Variants in SLC23A2 observed in about 807,000 individuals in gnomAD.
SLC23A2 encodes the protein Na(+)/L-ascorbic acid transporter 2.
Under a neutral mutation model 73.3 loss-of-function variants are expected in SLC23A2, and 36 were observed. The observed-to-expected ratio is 0.49, with a 90% confidence interval of 0.38 to 0.65. The LOEUF (loss-of-function observed/expected upper bound fraction) is 0.65, where lower values mean the gene tolerates loss of function less well. Ranked by LOEUF, SLC23A2 falls within the 30% of genes least tolerant of loss-of-function variation. The pLI is 0.00. For synonymous variants in SLC23A2, 343 were observed against 327.3 expected (o/e 1.05, Z -0.52); for missense variants, 507 against 841.6 (o/e 0.60, Z 4.92).
intron 6 of SLC23A2, among the ~76,000 whole-genome samples, chr20:4,888,623 C>T (rs369115743): frequency 1.1e-4 from 17 of 152,212 alleles, no homozygotes; most frequent in African/African-American, 4.1e-4. Flanking sequence ...CCATGTCCAG[C>T]TTGGTGCCCA....
chr20:4,912,307 A>G (rs948696589), intron 4 of SLC23A2, among the ~76,000 whole-genome samples: 4 of 152,038 alleles, frequency 2.6e-5, no homozygotes, highest in African/African-American at 9.7e-5. Context: ...CTAAGGTGCC[A>G]AAGGTGCTAC....
intron 2 of SLC23A2, among the ~76,000 whole-genome samples, chr20:4,964,852 AAAG>A (rs2087449430): frequency 6.6e-6 from 1 of 150,566 alleles, no homozygotes; most frequent in Non-Finnish European, 1.5e-5. Flanking sequence ...AAAAAGAAGA[AAAG>A]AAAAAAAGGA....
intron 16 of SLC23A2, among the ~76,000 whole-genome samples, chr20:4,858,555 G>T (rs1271761820): frequency 6.6e-6 from 1 of 151,998 alleles, no homozygotes; most frequent in African/African-American, 2.4e-5. Flanking sequence ...GAGATGGGTT[G>T]TTTAAAGGGG....
intron 4 of SLC23A2, among the ~76,000 whole-genome samples, chr20:4,903,669 A>G (rs1261012846): frequency 6.6e-6 from 1 of 152,198 alleles, no homozygotes; most frequent in Non-Finnish European, 1.5e-5. Context: ...CAGAAGGTAA[A>G]TGTCTGATGG....
intron 2 of SLC23A2, among the ~76,000 whole-genome samples, chr20:4,952,049 A>T (rs1334705243): frequency 7.2e-6 from 1 of 139,030 alleles, no homozygotes; most frequent in Non-Finnish European, 1.5e-5. Context: ...GGTTGCAGTG[A>T]GCGAAGATTG....
chr20:4,929,372 G>A (rs1216152860), intron 3 of SLC23A2, among the ~76,000 whole-genome samples: 1 of 152,136 alleles, frequency 6.6e-6, no homozygotes, highest in African/African-American at 2.4e-5. Flanking sequence ...AGGCAGCCTC[G>A]GCTCCAGCAG....
At chr20:4,895,700 C>T (rs1016828693) in intron 6 of SLC23A2, among the ~76,000 whole-genome samples, 1 of 152,118 alleles carries the variant, frequency 6.6e-6, no homozygotes, top group Non-Finnish European at 1.5e-5. Flanking sequence ...AGGTTTGATA[C>T]CCAAGGGGTT....
At chr20:4,967,481 A>T (rs1037173702) in intron 2 of SLC23A2, among the ~76,000 whole-genome samples, 1 of 152,160 alleles carries the variant, frequency 6.6e-6, no homozygotes, top group Non-Finnish European at 1.5e-5. Flanking sequence ...TTACCTTCTT[A>T]TGTAAGCTCT....
upstream of SLC23A2, among the ~76,000 whole-genome samples, chr20:5,004,986 T>C (rs1186615680): frequency 1.4e-5 from 2 of 146,712 alleles, no homozygotes; most frequent in East Asian, 4.0e-4. Flanking sequence ...GCAACAAGAA[T>C]GAACTCCGTC....
In SLC23A2 at chr20:4,874,501, C is replaced by T; in HGVS notation, c.945+75G>A. 3.5e-6 allele frequency: 5 copies of T among 1,434,718 alleles called. No individual in the cohort carries two copies. The East Asian group carries it at 6.9e-5, about 20-fold the overall frequency. 88.9% of individuals were successfully genotyped at this position (1,434,718 alleles called of 1,614,324 possible). A position where few individuals can be genotyped will look rare whatever the true frequency, so the allele number is the denominator to read the frequency against. Reference sequence around the variant, plus strand: ...TCCCCCAAGGAGGGCCTGCTTAAAACCCTCCCTTCACTTAATCATCTTACA... The same window carrying T: ...TCCCCCAAGGAGGGCCTGCTTAAAATCCTCCCTTCACTTAATCATCTTACA... On this transcript the variant is annotated intron_variant, in intron 10 of 16. Transcript: ENST00000338244.
intron 6 of SLC23A2, among the ~76,000 whole-genome samples, chr20:4,896,243 C>T (rs563131557): frequency 2.0e-5 from 3 of 152,288 alleles, no homozygotes; most frequent in East Asian, 3.9e-4. Context: ...ACACGCAGCC[C>T]CCTGCACAGC....
chr20:4,979,852 C>T (rs1376842348), intron 1 of SLC23A2, among the ~76,000 whole-genome samples: 1 of 152,012 alleles, frequency 6.6e-6, no homozygotes, highest in East Asian at 1.9e-4. Context: ...TTCTCCAATA[C>T]ATCATAAAAT....
chr20:4,904,082 G>A (rs1715383), intron 4 of SLC23A2, among the ~76,000 whole-genome samples: 107,056 of 152,020 alleles, frequency 0.7, 38,813 homozygotes, highest in Non-Finnish European at 0.78. Context: ...ATCACTTGAG[G>A]CCAGGGTTCA....
intron 2 of SLC23A2, among the ~76,000 whole-genome samples, chr20:4,953,202 A>G (rs1280525419): frequency 6.6e-6 from 1 of 152,098 alleles, no homozygotes; most frequent in Admixed American, 6.6e-5. Flanking sequence ...GCTACTTAGG[A>G]GGCTGAGGCA....
intron 3 of SLC23A2, among the ~76,000 whole-genome samples, chr20:4,919,989 G>A (rs1190456336): frequency 1.3e-5 from 2 of 152,186 alleles, no homozygotes; most frequent in Admixed American, 6.5e-5. Flanking sequence ...GGCCGGGTGC[G>A]GTGGCTCACG....
At chr20:4,865,224 G>A (rs918627427) in intron 13 of SLC23A2, among the ~76,000 whole-genome samples, 1 of 152,172 alleles carries the variant, frequency 6.6e-6, no homozygotes, top group Non-Finnish European at 1.5e-5. Context: ...CAACGGTGGT[G>A]CAGAATGCAG....
In SLC23A2 at chr20:4,994,110, T is replaced by C. The variant is rs563940905; in HGVS notation, c.-282+7296A>G. On this transcript the variant is annotated intron_variant, in intron 1 of 16. Transcript: ENST00000338244. The stretch of plus-strand genomic sequence containing the variant: ...AAAAAATATAGATACATGAATTCAA[T>C]AGAAAATTCTCAGCACTGACCACAT... 1.8e-4 allele frequency among the ~76,000 whole-genome samples: 27 copies of C among 152,074 alleles called. No individual in the cohort carries two copies. In the South Asian group the frequency reaches 3.7e-3, roughly 21 times the overall value.
At chr20:4,926,509 G>GTTT (rs1932675065) in intron 3 of SLC23A2, among the ~76,000 whole-genome samples, 1 of 110,978 alleles carries the variant, frequency 9.0e-6, no homozygotes. Context: ...AATTTTTTTT[G>GTTT]CTTTTTTTTT....
At chr20:5,003,213 C>G (rs1291873064), upstream of SLC23A2, among the ~76,000 whole-genome samples, 1 of 152,078 alleles carries the variant, frequency 6.6e-6, no homozygotes, top group Non-Finnish European at 1.5e-5. Flanking sequence ...GAAACCCCGT[C>G]TCTACTAAAA....
Sources: allele counts gnomAD v4.1 joint callset (sites outside exome capture counted in the v4.1 genomes callset), GRCh38; gene constraint gnomAD v4.1.1; transcripts MANE v1.5; gene names NCBI Gene and HGNC (gene_info 2026-07-23, HGNC 2026-07-21).